The following CTIF variants were observed in gnomAD, a reference collection of about 807,000 sequenced individuals.
CTIF encodes CBP80/20-dependent translation initiation factor.
A neutral mutation model predicts 66.0 loss-of-function variants in CTIF; 21 were observed. The ratio of observed to expected loss-of-function variants is 0.32; its 90% CI spans 0.23 to 0.46. The LOEUF (loss-of-function observed/expected upper bound fraction) is 0.46, where lower values mean the gene tolerates loss of function less well. CTIF is among the 20% of genes least tolerant of loss of function. The pLI is 1.00. For missense variants in CTIF, 739 were observed against 812.7 expected, an observed-to-expected ratio of 0.91 and a Z score of 1.10; for synonymous variants, 345 against 326.4, an observed-to-expected ratio of 1.06 and a Z score of -0.62.
chr18:48,664,721 C>T (rs1434327806), intron 5 of CTIF, among the ~76,000 whole-genome samples, 170 bp downstream of exon 5: 2 of 31,806 alleles, frequency 6.3e-5, no homozygotes, highest in Non-Finnish European at 1.6e-4. Flanking sequence ...CTCCTGGAAT[C>T]CCTCCATTTC....
intron 7 of CTIF, among the ~76,000 whole-genome samples, chr18:48,757,265 G>A (rs1908460278): frequency 6.6e-6 from 1 of 152,118 alleles, no homozygotes; most frequent in Non-Finnish European, 1.5e-5. Flanking sequence ...GTCACATTCT[G>A]AAGTATTGGG....
intron 3 of CTIF, among the ~76,000 whole-genome samples, chr18:48,642,839 G>A (rs1372040175): frequency 6.6e-6 from 1 of 152,176 alleles, no homozygotes; most frequent in Non-Finnish European, 1.5e-5. Context: ...TTAACCAGTT[G>A]CCATGACAGA....
At chr18:48,634,844 C>T (rs772391841) in intron 2 of CTIF, among the ~76,000 whole-genome samples, 1 of 152,188 alleles carries the variant, frequency 6.6e-6, no homozygotes, top group Non-Finnish European at 1.5e-5. Context: ...AAATGTGGCT[C>T]ATCCAAACTG....
intron 9 of CTIF, among the ~76,000 whole-genome samples, chr18:48,774,964 A>C (rs1910529560): frequency 9.4e-6 from 1 of 106,628 alleles, no homozygotes; most frequent in Admixed American, 8.2e-5. Flanking sequence ...TATTCTGAGT[A>C]TTAAAAAAAA....
intron 6 of CTIF, 51 bp from the exon 7 acceptor site, chr18:48,711,568 G>C (rs1568156541): frequency 1.2e-5 from 17 of 1,452,196 alleles, no homozygotes; most frequent in Non-Finnish European, 1.5e-5. Context: ...GAGGTGCTTT[G>C]CTCTCTTTCA....
intron 6 of CTIF, among the ~76,000 whole-genome samples, chr18:48,679,811 T>C (rs2091708026): frequency 6.6e-6 from 1 of 152,166 alleles, no homozygotes; most frequent in South Asian, 2.1e-4. Flanking sequence ...TGCCCCTCCA[T>C]GCATTTGTGC....
At chr18:48,846,467 G>A (rs1289869417) in intron 10 of CTIF, among the ~76,000 whole-genome samples, 3 of 151,494 alleles carry the variant, frequency 2.0e-5, no homozygotes, top group African/African-American at 7.3e-5. Flanking sequence ...GGATAGATGA[G>A]TAGATGGGTA....
Position 48,711,780 on chromosome 18 carries a change from C to G in CTIF, c.584+85C>G, listed in dbSNP as rs2092226278. The G allele has an allele frequency of 5.9e-6, 7 of 1,177,408 alleles. No homozygotes were observed. The South Asian group carries it at 7.5e-5, about 13-fold the overall frequency. The allele number at this position is 1,177,408 out of a possible 1,614,324, so 72.9% of individuals were successfully genotyped here. On this transcript the variant is annotated intron_variant, in intron 7 of 11. Transcript: ENST00000256413. ...GACGTCAGCTTTGGCCTGCATTTCG[C>G]TTTTCCCAGTCACCAGCTGATCCTG...
At chr18:48,775,289 T>A (rs1285637930) in intron 9 of CTIF, among the ~76,000 whole-genome samples, 2 of 152,264 alleles carry the variant, frequency 1.3e-5, no homozygotes, top group African/African-American at 4.8e-5. Context: ...GCCTGACTTT[T>A]ACCTGTGTTC....
At chr18:48,694,555 G>A (rs937009061) in intron 6 of CTIF, among the ~76,000 whole-genome samples, 7 of 152,222 alleles carry the variant, frequency 4.6e-5, no homozygotes, top group African/African-American at 1.2e-4. Flanking sequence ...TACCAACTAC[G>A]TCAGCAGGGC....
chr18:48,694,296 G>A (rs1037218466), intron 6 of CTIF, among the ~76,000 whole-genome samples: 16 of 152,236 alleles, frequency 1.1e-4, no homozygotes, highest in Admixed American at 6.5e-5. Flanking sequence ...AAGGACAATG[G>A]ATTCAGGTGA....
chr18:48,792,095 G>T (rs1033852407), intron 9 of CTIF, among the ~76,000 whole-genome samples: 2 of 152,220 alleles, frequency 1.3e-5, no homozygotes, highest in African/African-American at 4.8e-5. Context: ...TTTCCAAAAG[G>T]CTGTGGAGAA....
At chr18:48,754,847 A>G (rs1908194441) in intron 7 of CTIF, among the ~76,000 whole-genome samples, 1 of 152,244 alleles carries the variant, frequency 6.6e-6, no homozygotes, top group African/African-American at 2.4e-5. Flanking sequence ...ATGGAATTCC[A>G]GGTCCCTCCA....
intron 9 of CTIF, among the ~76,000 whole-genome samples, chr18:48,776,426 C>G (rs1216897411): frequency 6.6e-6 from 1 of 152,222 alleles, no homozygotes; most frequent in Non-Finnish European, 1.5e-5. Context: ...AGGAGGCTGC[C>G]ATGGGGCGGG....
chr18:48,610,998 G>A (rs1481916572), intron 1 of CTIF, among the ~76,000 whole-genome samples: 4 of 152,206 alleles, frequency 2.6e-5, no homozygotes, highest in Admixed American at 6.5e-5. Flanking sequence ...AGTCACTAAG[G>A]GAAGGAAGGT....
In CTIF at chr18:48,681,625, C is replaced by G. The variant is rs563001253; in HGVS notation, c.507+10881C>G. 1.2e-3 allele frequency among the ~76,000 whole-genome samples: 178 copies of G among 152,344 alleles called. 1 individual carries two copies. The highest frequency in any genetic ancestry group is 3.9e-3 in the African/African-American group (162 of 41,576). The stretch of plus-strand genomic sequence containing the variant: ...GGACTTTCCTTTAGCCCAGGGCCTG[C>G]TGGCACCCCCGGCTTCTTTCCTGTG... On this transcript the variant is annotated intron_variant, in intron 6 of 11. Transcript: ENST00000256413.
intron 3 of CTIF, among the ~76,000 whole-genome samples, chr18:48,651,799 A>G (rs1184976143): frequency 6.6e-6 from 1 of 152,270 alleles, no homozygotes; most frequent in Non-Finnish European, 1.5e-5. Context: ...ATTAGCACTC[A>G]GGATTAAGAA....
chr18:48,585,332 T>C (rs1281473220), intron 1 of CTIF, among the ~76,000 whole-genome samples: 3 of 152,242 alleles, frequency 2.0e-5, no homozygotes, highest in Non-Finnish European at 4.4e-5. Context: ...ATTCACCTTT[T>C]AGAAAGTGGG....
chr18:48,751,555 G>C (rs1907814729), intron 7 of CTIF, among the ~76,000 whole-genome samples: 1 of 152,216 alleles, frequency 6.6e-6, no homozygotes, highest in Non-Finnish European at 1.5e-5. Flanking sequence ...TGAAGGAAGT[G>C]GATGCTTTGG....
Sources: allele counts gnomAD v4.1 joint callset (sites outside exome capture counted in the v4.1 genomes callset), GRCh38; gene constraint gnomAD v4.1.1; transcripts MANE v1.5; gene names NCBI Gene and HGNC (gene_info 2026-07-23, HGNC 2026-07-21).